The following FHIT variants were observed in gnomAD, a reference collection of about 807,000 sequenced individuals.
The protein encoded by FHIT is fragile histidine triad diadenosine triphosphatase, also known as bis(5'-adenosyl)-triphosphatase.
FHIT carries 19 observed loss-of-function variants against 17.9 expected under a neutral mutation model. The ratio of observed to expected loss-of-function variants is 1.06; its 90% CI spans 0.74 to 1.56. The LOEUF (loss-of-function observed/expected upper bound fraction) is 1.56, where lower values mean the gene tolerates loss of function less well. Among genes scored for constraint, FHIT ranks in the 40% most tolerant of loss-of-function variants. FHIT has a pLI of 0.00. For synonymous variants in FHIT, 81 were observed against 69.7 expected (o/e 1.16, Z -0.81); for missense variants, 248 against 189.2 (o/e 1.31, Z -1.82).
chr3:59,821,244 T>C (rs1256126957), intron 8 of FHIT, among the ~76,000 whole-genome samples: 1 of 152,110 alleles, frequency 6.6e-6, no homozygotes, highest in Non-Finnish European at 1.5e-5. Context: ...GGAATAAACC[T>C]GAGAAGGAGC....
chr3:60,043,035 C>T (rs145068420), intron 5 of FHIT, among the ~76,000 whole-genome samples: 2 of 152,154 alleles, frequency 1.3e-5, no homozygotes, highest in South Asian at 2.1e-4. Context: ...TTTACCCTCT[C>T]CTTTTATGCC....
intron 2 of FHIT, among the ~76,000 whole-genome samples, chr3:61,069,998 G>A (rs1015776519): frequency 3.9e-5 from 6 of 152,018 alleles, no homozygotes; most frequent in African/African-American, 4.8e-5. Flanking sequence ...TGCAATCTCC[G>A]CCTGCAGGTT....
chr3:60,549,333 G>A (rs905656446), intron 4 of FHIT, among the ~76,000 whole-genome samples: 9 of 152,054 alleles, frequency 5.9e-5, no homozygotes, highest in African/African-American at 1.9e-4. Flanking sequence ...TAACAGCTAA[G>A]TACTTACTCG....
chr3:61,173,679 C>A (rs1016843188), intron 2 of FHIT, among the ~76,000 whole-genome samples: 2 of 152,116 alleles, frequency 1.3e-5, no homozygotes, highest in Non-Finnish European at 2.9e-5. Context: ...CCTAAAGAGA[C>A]TGTTAGGTTA....
intron 5 of FHIT, among the ~76,000 whole-genome samples, chr3:60,249,486 T>C (rs1705576233): frequency 1.3e-5 from 2 of 152,054 alleles, no homozygotes; most frequent in South Asian, 4.1e-4. Flanking sequence ...GTTCATTTGA[T>C]TGGCTCAGGG....
intron 4 of FHIT, among the ~76,000 whole-genome samples, chr3:60,639,147 G>C (rs1359177762): frequency 6.6e-6 from 1 of 150,690 alleles, no homozygotes; most frequent in African/African-American, 2.4e-5. Flanking sequence ...AAGGGCATTT[G>C]CGAATTTGCA....
intron 5 of FHIT, among the ~76,000 whole-genome samples, chr3:60,237,907 G>A (rs890067329): frequency 2.6e-5 from 4 of 151,898 alleles, no homozygotes; most frequent in South Asian, 2.1e-4. Context: ...AGGCCGAGGC[G>A]GGTGGATCAC....
At chr3:61,000,737 G>A (rs1035897115) in intron 3 of FHIT, among the ~76,000 whole-genome samples, 5 of 152,204 alleles carry the variant, frequency 3.3e-5, no homozygotes, top group South Asian at 2.1e-4. Context: ...ACCCTATGCC[G>A]GGTTCCAGAG....
chr3:59,849,292 G>A lies in FHIT; in HGVS notation c.348+73054C>T, dbSNP rs1701841263. On this transcript the variant is annotated intron_variant, in intron 8 of 9. Coordinates refer to ENST00000492590, the MANE Select transcript of FHIT (RefSeq NM_002012.4). ...GGAGGCTGAGGCATGAGAATCACTTGAGCCTGGCAGGTGGAGGTTGCAGTG... is the reference window on the plus strand; with the variant it reads ...GGAGGCTGAGGCATGAGAATCACTTAAGCCTGGCAGGTGGAGGTTGCAGTG... Among the ~76,000 whole-genome samples, 3 of 152,102 alleles carry A rather than the reference G, an allele frequency of 2.0e-5. 1 individual carries two copies. Among genetic ancestry groups the A allele is most frequent in the Non-Finnish European group, 4.4e-5 (3 of 68,016 alleles).
At chr3:61,075,501 G>C (rs2034945526) in intron 2 of FHIT, among the ~76,000 whole-genome samples, 1 of 151,938 alleles carries the variant, frequency 6.6e-6, no homozygotes, top group South Asian at 2.1e-4. Context: ...GAAGACCATT[G>C]CATAGAAACA....
intron 1 of FHIT, among the ~76,000 whole-genome samples, chr3:61,236,546 A>C (rs2040235767): frequency 6.6e-6 from 1 of 152,158 alleles, no homozygotes; most frequent in Admixed American, 6.5e-5. Flanking sequence ...GAAGTGCTCT[A>C]CCCAGGTCAC....
chr3:61,205,218 T>C (rs2039182016), intron 1 of FHIT, among the ~76,000 whole-genome samples: 1 of 152,086 alleles, frequency 6.6e-6, no homozygotes, highest in Admixed American at 6.6e-5. Context: ...ATCCAGTCTA[T>C]CATTGTTGGA....
At chr3:60,948,984 T>G (rs921146901) in intron 3 of FHIT, among the ~76,000 whole-genome samples, 10 of 152,048 alleles carry the variant, frequency 6.6e-5, no homozygotes, top group South Asian at 2.1e-4. Flanking sequence ...CCCATAAAAA[T>G]TAACCTTACT....
intron 3 of FHIT, among the ~76,000 whole-genome samples, chr3:60,950,425 G>T (rs1398973582): frequency 6.6e-6 from 1 of 151,892 alleles, no homozygotes; most frequent in South Asian, 2.1e-4. Flanking sequence ...CCTTGCACTT[G>T]GGAATTGTTC....
At chr3:60,401,932 C>A (rs1016372982) in intron 5 of FHIT, among the ~76,000 whole-genome samples, 1 of 152,108 alleles carries the variant, frequency 6.6e-6, no homozygotes, top group African/African-American at 2.4e-5. Context: ...TTCTCTGAAG[C>A]CTTTCATTTC....
chr3:60,270,679 T>C (rs1039356832), intron 5 of FHIT, among the ~76,000 whole-genome samples: 9 of 152,152 alleles, frequency 5.9e-5, no homozygotes, highest in African/African-American at 1.9e-4. Context: ...CAAATAAAAA[T>C]GGGCCAAGAT....
rs372720345 is a variant in FHIT at position 61,209,437 on chromosome 3, G to A, written c.-212-8772C>T. On this transcript the variant is annotated intron_variant, in intron 1 of 9. Coordinates refer to ENST00000492590, the MANE Select transcript of FHIT (RefSeq NM_002012.4). Reference sequence around the variant, plus strand: ...TTTCCAACTTGGTTCCATTCTCCCCGTCACTTTCAGGTACACCAATCAGAC... The same window carrying A: ...TTTCCAACTTGGTTCCATTCTCCCCATCACTTTCAGGTACACCAATCAGAC... Among the ~76,000 whole-genome samples, 879 of 152,206 alleles carry A rather than the reference G, an allele frequency of 5.8e-3. 8 individuals are homozygous for A. The highest frequency in any genetic ancestry group is 0.018 in the African/African-American group (740 of 41,528).
At chr3:60,382,087 G>A (rs980532357) in intron 5 of FHIT, among the ~76,000 whole-genome samples, 2 of 152,166 alleles carry the variant, frequency 1.3e-5, no homozygotes, top group African/African-American at 4.8e-5. Flanking sequence ...CTAGCCTAGA[G>A]TAACATTTTC....
At chr3:60,072,481 A>G (rs1398699990) in intron 5 of FHIT, among the ~76,000 whole-genome samples, 1 of 152,124 alleles carries the variant, frequency 6.6e-6, no homozygotes, top group Non-Finnish European at 1.5e-5. Flanking sequence ...CAACAATAAA[A>G]ATTAGAATAT....
Sources: gnomAD v4.1 joint callset for allele counts (sites outside exome capture counted in the v4.1 genomes callset) on GRCh38, gnomAD v4.1.1 for gene constraint, MANE v1.5 for transcripts, NCBI Gene and HGNC (gene_info 2026-07-23, HGNC 2026-07-21) for gene names.